Variants in CARMIL1 observed in about 807,000 individuals in gnomAD.
The protein encoded by CARMIL1 is F-actin-uncapping protein LRRC16A.
In CARMIL1, 90 loss-of-function variants were observed where a neutral mutation model predicts 177.1. The observed-to-expected ratio is 0.51, with a 90% CI of 0.43 to 0.61. CARMIL1 has a LOEUF of 0.61. CARMIL1 is among the 20% of genes least tolerant of loss of function. CARMIL1 has a pLI of 0.00. For missense variants in CARMIL1, 1,380 were observed against 1,667.0 expected, an observed-to-expected ratio of 0.83 and a Z score of 3.00; for synonymous variants, 577 against 606.2, an observed-to-expected ratio of 0.95 and a Z score of 0.71.
intron 5 of CARMIL1, among the ~76,000 whole-genome samples, chr6:25,438,757 C>T (rs1797456629): frequency 6.6e-6 from 1 of 151,990 alleles, no homozygotes; most frequent in Admixed American, 6.6e-5. Context: ...TGTAGAGCCT[C>T]GTGGGAAAGA....
chr6:25,594,758 T>C (rs1419236040), intron 32 of CARMIL1, among the ~76,000 whole-genome samples: 1 of 152,156 alleles, frequency 6.6e-6, no homozygotes, highest in Non-Finnish European at 1.5e-5. Flanking sequence ...GCTCTGGAGG[T>C]TGGGCCCAGC....
intron 2 of CARMIL1, among the ~76,000 whole-genome samples, chr6:25,286,054 G>T (rs1781498761): frequency 6.6e-6 from 1 of 151,346 alleles, no homozygotes; most frequent in African/African-American, 2.5e-5. Context: ...TTTATTTTTT[G>T]TAGAGACAGG....
At chr6:25,315,418 C>A (rs1282150458) in intron 2 of CARMIL1, among the ~76,000 whole-genome samples, 1 of 152,356 alleles carries the variant, frequency 6.6e-6, no homozygotes, top group South Asian at 2.1e-4. Flanking sequence ...GCAAACATAG[C>A]AGCTTGGTCG....
At chr6:25,523,633 C>T (rs1806795357) in intron 23 of CARMIL1, among the ~76,000 whole-genome samples, 1 of 152,134 alleles carries the variant, frequency 6.6e-6, no homozygotes, top group Non-Finnish European at 1.5e-5. Flanking sequence ...TTTGAACTCT[C>T]AAGAGCTTGG....
Position 25,517,415 on chromosome 6 carries a change from A to C in CARMIL1, c.1874A>C (p.Lys625Thr). The part of the protein sequence containing the change: ...GFQDIAVAME[K>T]NYTLRFMPIP... ...CAGGATATAGCTGTTGCTATGGAAA[A>C]GTAAGTTTGAATTAGGATTTCTTTC... The change falls in exon 22 of 37, where the codon AAG becomes ACG. Residue 625 changes from lysine to threonine, a missense_variant and splice_region_variant. Coordinates refer to ENST00000329474, the MANE Select transcript of CARMIL1 (RefSeq NM_017640.6). 6.2e-7 allele frequency: 1 copy of C among 1,612,250 alleles called. No homozygotes were observed. Among genetic ancestry groups the C allele is most frequent in the Non-Finnish European group, 8.5e-7 (1 of 1,178,830 alleles).
chr6:25,605,503 G>A (rs1209735540), intron 34 of CARMIL1, among the ~76,000 whole-genome samples: 1 of 152,072 alleles, frequency 6.6e-6, no homozygotes, highest in Non-Finnish European at 1.5e-5. Flanking sequence ...CACATTTTAT[G>A]GGCTTATTTT....
chr6:25,455,979 T>C lies in CARMIL1; in HGVS notation c.614+5268T>C, dbSNP rs1236157424. Among the ~76,000 whole-genome samples, 4 of 152,294 alleles carry C rather than the reference T, an allele frequency of 2.6e-5. No homozygotes were observed. In the East Asian group the frequency reaches 7.7e-4, roughly 29 times the overall value. The stretch of plus-strand genomic sequence containing the variant: ...TGACAGGGCAGTGCCTTGGTCATTG[T>C]TCTGTCACCAAGAGCCCCTACTACT... On this transcript the variant is annotated intron_variant, in intron 8 of 36. Transcript: ENST00000329474.
intron 2 of CARMIL1, among the ~76,000 whole-genome samples, chr6:25,298,871 C>T (rs564309969): frequency 6.9e-4 from 104 of 151,442 alleles, no homozygotes; most frequent in Admixed American, 3.7e-3. Context: ...TCTCCTGCTT[C>T]AAATTCCCGA....
intron 2 of CARMIL1, among the ~76,000 whole-genome samples, chr6:25,305,817 GC>G (rs1022275950): frequency 7.9e-5 from 12 of 152,190 alleles, no homozygotes; most frequent in African/African-American, 2.9e-4. Flanking sequence ...CCTAAGGGCT[GC>G]CTGGTGGGGA....
intron 3 of CARMIL1, among the ~76,000 whole-genome samples, chr6:25,423,781 T>A (rs1796062671): frequency 6.6e-6 from 1 of 152,194 alleles, no homozygotes; most frequent in Non-Finnish European, 1.5e-5. Flanking sequence ...TTTTTCCTCT[T>A]ATCTAATAAT....
At chr6:25,292,940 A>G (rs372823632) in intron 2 of CARMIL1, among the ~76,000 whole-genome samples, 4 of 152,278 alleles carry the variant, frequency 2.6e-5, no homozygotes, top group African/African-American at 9.6e-5. Context: ...AGTTACAGAG[A>G]AAAATAAAGA....
At chr6:25,497,302 G>T (rs1466673380) in intron 16 of CARMIL1, among the ~76,000 whole-genome samples, 1 of 152,176 alleles carries the variant, frequency 6.6e-6, no homozygotes, top group Admixed American at 6.5e-5. Context: ...TAATGTGGAT[G>T]ACAGTGATGA....
chr6:25,371,355 A>G (rs150951343), intron 2 of CARMIL1, among the ~76,000 whole-genome samples: 3,029 of 152,282 alleles, frequency 0.02, 94 homozygotes, highest in African/African-American at 0.065. Context: ...AGGTTGTACT[A>G]ATTTACATTC....
At chr6:25,427,932 A>G (rs9467511) in intron 4 of CARMIL1, among the ~76,000 whole-genome samples, 5,788 of 152,290 alleles carry the variant, frequency 0.038, 271 homozygotes, top group African/African-American at 0.11. Flanking sequence ...CTGGATACAA[A>G]GCCTTTATCA....
intron 5 of CARMIL1, among the ~76,000 whole-genome samples, chr6:25,444,680 A>G (rs1014165470): frequency 2.6e-5 from 4 of 152,180 alleles, no homozygotes; most frequent in African/African-American, 9.7e-5. Flanking sequence ...AGCCTCATCC[A>G]TGTCCCTGCA....
intron 10 of CARMIL1, 74 bp downstream of exon 10, chr6:25,471,331 G>GTT (rs144894905): frequency 0.022 from 16,239 of 732,670 alleles, 4 homozygotes; most frequent in East Asian, 0.05. Context: ...TTAATTCATA[G>GTT]TTTTTTTTTT....
intron 2 of CARMIL1, among the ~76,000 whole-genome samples, chr6:25,392,065 T>A (rs1242229483): frequency 1.7e-5 from 1 of 58,192 alleles, no homozygotes; most frequent in Non-Finnish European, 3.5e-5. Context: ...TGTGTGTGTG[T>A]GTGTGTGTGT....
At chr6:25,339,202 C>T (rs1222841401) in intron 2 of CARMIL1, among the ~76,000 whole-genome samples, 1 of 152,186 alleles carries the variant, frequency 6.6e-6, no homozygotes, top group African/African-American at 2.4e-5. Flanking sequence ...TAAGCCTAGC[C>T]TGGGAAGGAG....
intron 35 of CARMIL1, among the ~76,000 whole-genome samples, chr6:25,608,342 C>T (rs1002197642): frequency 1.3e-5 from 2 of 152,064 alleles, no homozygotes; most frequent in African/African-American, 4.8e-5. Context: ...GTGTTAATCC[C>T]TTACTGTGCC....
Sources: allele counts gnomAD v4.1 joint callset (sites outside exome capture counted in the v4.1 genomes callset), GRCh38; gene constraint gnomAD v4.1.1; transcripts MANE v1.5; gene names NCBI Gene and HGNC (gene_info 2026-07-23, HGNC 2026-07-21).